The following TMIE variants were observed in gnomAD, a reference collection of about 807,000 sequenced individuals.
The protein encoded by TMIE is transmembrane inner ear.
In TMIE, 14 loss-of-function variants were observed where a neutral mutation model predicts 16.8. The observed-to-expected ratio is 0.83, with a 90% CI of 0.55 to 1.30. The LOEUF is 1.30. Among genes scored for constraint, TMIE ranks in the 50% most tolerant of loss-of-function variants. TMIE has a pLI of 0.00. For synonymous variants in TMIE, 75 were observed against 87.2 expected (o/e 0.86, Z 0.78); for missense variants, 204 against 205.9 (o/e 0.99, Z 0.06).
intron 1 of TMIE, among the ~76,000 whole-genome samples, 189 bp from the exon 2 acceptor site, chr3:46,705,601 G>T (rs1207196782): frequency 6.6e-6 from 1 of 152,340 alleles, no homozygotes; most frequent in Admixed American, 6.5e-5. Context: ...ACCTGGCTCT[G>T]CTCAGTTCTC....
upstream of TMIE, among the ~76,000 whole-genome samples, chr3:46,696,665 C>G (rs904560933): frequency 2.0e-5 from 3 of 152,152 alleles, no homozygotes; most frequent in African/African-American, 7.2e-5. Flanking sequence ...ATTTCAGGCT[C>G]CAGGAGAGAA....
At chr3:46,709,339 C>A in intron 3 of TMIE, 64 bp downstream of exon 3, 6 of 1,610,668 alleles carry the variant, frequency 3.7e-6, no homozygotes, top group South Asian at 2.2e-5. Context: ...TGCCTGGAGT[C>A]ACCCTGTTCC....
At chr3:46,699,647 T>C (rs1252409726), upstream of TMIE, among the ~76,000 whole-genome samples, 1 of 152,190 alleles carries the variant, frequency 6.6e-6, no homozygotes, top group African/African-American at 2.4e-5. Flanking sequence ...CGCAGAGCAG[T>C]GGCCATCTCA....
At chr3:46,708,905 C>T (rs1044982740) in intron 2 of TMIE, among the ~76,000 whole-genome samples, 2 of 152,228 alleles carry the variant, frequency 1.3e-5, no homozygotes, top group African/African-American at 4.8e-5. Context: ...CCCTTCCAAG[C>T]ACGGGGGCCT....
chr3:46,706,033 C>T (rs1215300808), intron 2 of TMIE, 126 bp downstream of exon 2: 18 of 1,017,440 alleles, frequency 1.8e-5, no homozygotes, highest in Middle Eastern at 2.0e-4. Flanking sequence ...AGGAGACCCG[C>T]GGTGGTTTCT....
chr3:46,710,851 CAG>C lies in TMIE; in HGVS notation c.*1167_*1168del, dbSNP rs1336771610. ...GAGAGCCTGCTGGAAAAGCAGCCTG[CAG>C]AGATTTGTGAATAAAGCTGATTGCC... On this transcript the variant is annotated 3_prime_UTR_variant, in exon 4 of 4. Transcript: ENST00000643606. 17 of 152,194 alleles carry C rather than the reference CAG, an allele frequency of 1.1e-4. No homozygotes were observed. Among genetic ancestry groups the C allele is most frequent in the African/African-American group, 4.1e-4 (17 of 41,428 alleles). 9.4% of individuals were successfully genotyped at this position (152,194 alleles called of 1,614,324 possible).
rs1559496440 is a variant in TMIE, at chr3:46,705,857, TGC to T, written c.164_165del (p.Arg55ProfsTer59). Reference sequence around the variant, plus strand: ...AAGGAGACAGTGGTGTTCTGGGACATGCGCCTGTGGCACGTGGTGGGCATCTT... The same window carrying T: ...AAGGAGACAGTGGTGTTCTGGGACATGCCTGTGGCACGTGGTGGGCATCTT... On this transcript the variant is annotated frameshift_variant, in exon 2 of 4. Coordinates refer to ENST00000643606, the MANE Select transcript of TMIE (RefSeq NM_147196.3). LOFTEE classifies it high-confidence loss of function. 1 of 1,614,122 alleles carries T rather than the reference TGC, an allele frequency of 6.2e-7. No homozygotes were observed. The highest frequency in any genetic ancestry group is 8.5e-7 in the Non-Finnish European group (1 of 1,180,038).
chr3:46,694,521 G>C (rs1422907227), upstream of TMIE: 2 of 152,354 alleles, frequency 1.3e-5, no homozygotes, highest in South Asian at 2.1e-4. Context: ...GGCCGTGGAA[G>C]AGCAGAAAGG....
At chr3:46,694,773 C>G (rs912399564) in intron 1 of TMIE, among the ~76,000 whole-genome samples, 2 of 152,196 alleles carry the variant, frequency 1.3e-5, no homozygotes, top group Admixed American at 6.5e-5. Flanking sequence ...AGTGACCTCA[C>G]CCTTTTGCCC....
At chr3:46,694,197 G>C (rs935194453), upstream of TMIE, among the ~76,000 whole-genome samples, 15 of 152,324 alleles carry the variant, frequency 9.8e-5, no homozygotes, top group East Asian at 2.5e-3. Flanking sequence ...CCCTGGGCTG[G>C]GTGTCCACGG....
Position 46,701,683 on chromosome 3 carries a change from C to A in TMIE, c.93+103C>A. ...GATCCGGAGCTTGTTTGATCCCTTA[C>A]TCTTGCCCTGAGAGATCCAGTCTCC... On this transcript the variant is annotated intron_variant, in intron 1 of 3. Transcript: ENST00000643606. This position sits in a 1 kb window ranked among gnomAD's most constrained non-coding sequence, Gnocchi z 4.3. 1.0e-6 allele frequency: 1 copy of A among 965,406 alleles called. No individual in the cohort carries two copies. The highest frequency in any genetic ancestry group is 1.4e-6 in the Non-Finnish European group (1 of 739,248). 59.8% of individuals were successfully genotyped at this position (965,406 alleles called of 1,614,324 possible).
At chr3:46,694,847 C>T (rs1307458487) in intron 1 of TMIE, among the ~76,000 whole-genome samples, 1 of 152,178 alleles carries the variant, frequency 6.6e-6, no homozygotes, top group Non-Finnish European at 1.5e-5. Flanking sequence ...TCCATCCCTC[C>T]CCACATTGCC....
rs530579940 is a variant in TMIE at position 46,701,451 on chromosome 3, C to G, written c.-37C>G. ...GGCAGTGACCGGCGGCCGGCCCGTT[C>G]GTCCCTGGGCTCCGCAAGCGGCGCG... On this transcript the variant is annotated 5_prime_UTR_variant, in exon 1 of 4. Transcript: ENST00000643606. The surrounding 1 kb of genome is among the most constrained non-coding windows in gnomAD (Gnocchi z 4.3). 3 of 1,387,812 alleles carry G rather than the reference C, an allele frequency of 2.2e-6. No individual in the cohort carries two copies. Among genetic ancestry groups the G allele is most frequent in the Non-Finnish European group, 2.8e-6 (3 of 1,069,408 alleles). 86.0% of individuals were successfully genotyped at this position (1,387,812 alleles called of 1,614,324 possible).
At chr3:46,697,872 ATTG>A (rs1180077944), upstream of TMIE, among the ~76,000 whole-genome samples, 7 of 152,150 alleles carry the variant, frequency 4.6e-5, no homozygotes, top group South Asian at 2.1e-4. Context: ...TGTGTGGATG[ATTG>A]TTGTTGTGTT....
rs577071929 is a variant in TMIE at position 46,709,102 on chromosome 3, A to G, written c.212-24A>G. 6.2e-6 allele frequency: 10 copies of G among 1,613,800 alleles called. No individual in the cohort carries two copies. In the African/African-American group the frequency reaches 9.3e-5, roughly 15 times the overall value. ...GGGTCTCTGAACCCCAGCCCCAGCC[A>G]AGCCTGCTCTGTCCTCCCTACAGTC... On this transcript the variant is annotated intron_variant, in intron 2 of 3. Transcript: ENST00000643606.
rs1319665425 is a variant in TMIE, at chr3:46,701,530, G to A, written c.43G>A (p.Gly15Ser). The A allele has an allele frequency of 3.8e-6, 5 of 1,307,956 alleles. No homozygotes were observed. In the African/African-American group the frequency reaches 4.6e-5, roughly 12 times the overall value. 81.0% of individuals were successfully genotyped at this position (1,307,956 alleles called of 1,614,324 possible). Reference sequence around the variant, plus strand: ...CGCGGGTCCCCTCTGCGTGCTGGGCGGCGCCGCACTCGGGGTGTGCCTCGC... The same window carrying A: ...CGCGGGTCCCCTCTGCGTGCTGGGCAGCGCCGCACTCGGGGTGTGCCTCGC... The part of the protein sequence containing the change: ...PGAGPLCVLG[G>S]AALGVCLAGV... The change falls in exon 1 of 4, where the codon GGC (glycine) becomes AGC (serine). Residue 15 changes from glycine to serine, a missense_variant. By Grantham distance (56) the Gly-to-Ser change is moderately conservative (BLOSUM62 0). Transcript: ENST00000643606. This position sits in a 1 kb window ranked among gnomAD's most constrained non-coding sequence, Gnocchi z 4.3.
At chr3:46,701,360 T>A (rs1011159238), upstream of TMIE, 3 of 661,510 alleles carry the variant, frequency 4.5e-6, no homozygotes, top group African/African-American at 5.8e-5. The surrounding 1 kb of genome is among the most constrained non-coding windows in gnomAD (Gnocchi z 4.3). Context: ...ACACCGAGGA[T>A]GAATAAATGA....
At chr3:46,698,286 C>T (rs769641091), upstream of TMIE, among the ~76,000 whole-genome samples, 8 of 152,200 alleles carry the variant, frequency 5.3e-5, no homozygotes, top group South Asian at 2.1e-4. Flanking sequence ...CCTCATGATC[C>T]GCCCACCTGA....
chr3:46,701,333 G>A, upstream of TMIE: 2 of 557,144 alleles, frequency 3.6e-6, no homozygotes, highest in South Asian at 2.7e-5. The surrounding 1 kb of genome is among the most constrained non-coding windows in gnomAD (Gnocchi z 4.3). Context: ...GGCGGGGGCG[G>A]GCGGCGCGGG....
Sources: gnomAD v4.1 joint callset for allele counts (sites outside exome capture counted in the v4.1 genomes callset) on GRCh38, gnomAD v4.1.1 for gene constraint, Gnocchi (gnomAD v3.1) non-coding constraint, MANE v1.5 for transcripts, NCBI Gene and HGNC (gene_info 2026-07-23, HGNC 2026-07-21) for gene names.